The following EXOC2 variants were observed in gnomAD, a reference collection of about 807,000 sequenced individuals.
EXOC2 encodes the protein exocyst complex component 2.
Under a neutral mutation model 131.8 loss-of-function variants are expected in EXOC2, and 70 were observed. The ratio of observed to expected loss-of-function variants is 0.53; its 90% confidence interval spans 0.44 to 0.65. The LOEUF (loss-of-function observed/expected upper bound fraction) is 0.65. Ranked by LOEUF, EXOC2 falls within the 30% of genes least tolerant of loss-of-function variation. The pLI, the probability that EXOC2 is intolerant of heterozygous loss-of-function variation, is 0.00. For synonymous variants in EXOC2, 411 were observed against 398.4 expected, an observed-to-expected ratio of 1.03 and a Z score of -0.38; for missense variants, 923 against 1,108.6, an observed-to-expected ratio of 0.83 and a Z score of 2.38.
At chr6:637,963 C>T in intron 1 of EXOC2, 102 bp from the exon 2 acceptor site, 2 of 765,548 alleles carry the variant, frequency 2.6e-6, no homozygotes, top group Non-Finnish European at 4.2e-6. Flanking sequence ...AAAAAGTATT[C>T]TTAAACACAG....
intron 12 of EXOC2, among the ~76,000 whole-genome samples, chr6:576,054 CTTG>C (rs1758560117): frequency 6.6e-6 from 1 of 152,108 alleles, no homozygotes; most frequent in African/African-American, 2.4e-5. Context: ...TACTGCAATG[CTTG>C]TTAAGAATAA....
At chr6:633,185 T>G in intron 2 of EXOC2, 68 bp from the exon 3 acceptor site, 3 of 1,517,496 alleles carry the variant, frequency 2.0e-6, no homozygotes, top group Non-Finnish European at 1.8e-6. Flanking sequence ...TCGTGTAGAT[T>G]ACATTTTTTA....
At chr6:615,851 G>A (rs1364248224) in intron 6 of EXOC2, among the ~76,000 whole-genome samples, 2 of 152,064 alleles carry the variant, frequency 1.3e-5, no homozygotes, top group African/African-American at 4.8e-5. Context: ...TCTTGATTTG[G>A]ACATATCACC....
chr6:604,072 C>T (rs1252388592), intron 7 of EXOC2, among the ~76,000 whole-genome samples: 1 of 152,180 alleles, frequency 6.6e-6, no homozygotes, highest in African/African-American at 2.4e-5. Flanking sequence ...TTGGAGGCAA[C>T]TGAGACACAG....
chr6:602,837 G>C (rs1760177130), intron 7 of EXOC2, among the ~76,000 whole-genome samples: 1 of 152,178 alleles, frequency 6.6e-6, no homozygotes, highest in Admixed American at 6.5e-5. Flanking sequence ...TTTCCCTACA[G>C]TGCAAGATGG....
chr6:507,118 AC>A (rs1764585809), intron 23 of EXOC2, among the ~76,000 whole-genome samples: 1 of 44,944 alleles, frequency 2.2e-5, no homozygotes, highest in African/African-American at 4.3e-5. Flanking sequence ...AGCAGTGACT[AC>A]ACACATACAC....
intron 1 of EXOC2, among the ~76,000 whole-genome samples, chr6:672,381 G>A (rs1455907316): frequency 6.6e-6 from 1 of 152,128 alleles, no homozygotes; most frequent in African/African-American, 2.4e-5. Context: ...GTTTTAAATT[G>A]CTGGTTTGAT....
chr6:673,031 G>C (rs759804292), intron 1 of EXOC2, among the ~76,000 whole-genome samples: 48 of 151,824 alleles, frequency 3.2e-4, no homozygotes, highest in African/African-American at 1.1e-3. Flanking sequence ...AGGCCAAGGC[G>C]GGCAGATCAC....
chr6:547,309 T>G (rs2127562704), intron 22 of EXOC2, among the ~76,000 whole-genome samples: 1 of 152,346 alleles, frequency 6.6e-6, no homozygotes, highest in South Asian at 2.1e-4. Context: ...CTGGCGTAAG[T>G]ACCAGTAAGA....
At chr6:516,943 G>A (rs1001979467) in intron 23 of EXOC2, among the ~76,000 whole-genome samples, 7 of 152,144 alleles carry the variant, frequency 4.6e-5, no homozygotes, top group Admixed American at 6.5e-5. Context: ...TAGAGGGAAC[G>A]CAGGCAGCCT....
At chr6:523,955 G>C (rs1485850123) in intron 23 of EXOC2, among the ~76,000 whole-genome samples, 1 of 152,180 alleles carries the variant, frequency 6.6e-6, no homozygotes, top group African/African-American at 2.4e-5. Context: ...TGAAGGTGTG[G>C]GTGGGGTGCA....
intron 25 of EXOC2, among the ~76,000 whole-genome samples, chr6:495,043 T>C (rs1763631840): frequency 7.8e-6 from 1 of 128,610 alleles, no homozygotes; most frequent in Admixed American, 8.9e-5. Flanking sequence ...CACACTTGGA[T>C]AATTAAAACA....
intron 7 of EXOC2, among the ~76,000 whole-genome samples, chr6:606,627 A>G (rs779862406): frequency 6.6e-6 from 1 of 152,146 alleles, no homozygotes; most frequent in Non-Finnish European, 1.5e-5. Context: ...TCAACTTCTG[A>G]TATTTTTTCC....
Position 619,551 on chromosome 6 carries a change from G to GA in EXOC2, c.423-9dup, listed in dbSNP as rs755759929. 1.9e-6 allele frequency: 3 copies of GA among 1,588,672 alleles called. No individual in the cohort carries two copies. Among genetic ancestry groups the GA allele is most frequent in the African/African-American group, 2.7e-5 (2 of 74,134 alleles). On this transcript the variant is annotated splice_polypyrimidine_tract_variant and intron_variant, in intron 4 of 27. Coordinates refer to ENST00000230449, the MANE Select transcript of EXOC2 (RefSeq NM_018303.6). ...TTCTGCGAAAATTTACTTCTGAGGG[G>GA]AAAAAACGTTTAAAATATATTTCAA...
chr6:613,466 A>G (rs1760819693), intron 6 of EXOC2, among the ~76,000 whole-genome samples: 1 of 149,486 alleles, frequency 6.7e-6, no homozygotes, highest in South Asian at 2.2e-4. Flanking sequence ...AAAGAAAAAA[A>G]CAACAAAAAA....
At chr6:656,637 T>C in intron 1 of EXOC2, 2 of 1,606,790 alleles carry the variant, frequency 1.2e-6, no homozygotes, top group South Asian at 1.1e-5. Flanking sequence ...GTGGGTCAGC[T>C]GCAGCTTCAG....
In EXOC2 at chr6:670,601, CT is replaced by C. The variant is rs1267783146; in HGVS notation, c.-44+22417del. ...TAAATCCACAGAATGCTTCAGTGAC[CT>C]TTCATTTCCAGTCTGAAAATCTGTA... On this transcript the variant is annotated intron_variant, in intron 1 of 27. Transcript: ENST00000230449. 6.6e-5 allele frequency among the ~76,000 whole-genome samples: 10 copies of C among 152,004 alleles called. No individual in the cohort carries two copies. In the East Asian group the frequency reaches 1.7e-3, roughly 26 times the overall value.
chr6:587,420 A>G (rs957617038), intron 11 of EXOC2, among the ~76,000 whole-genome samples: 1 of 151,966 alleles, frequency 6.6e-6, no homozygotes, highest in East Asian at 1.9e-4. Context: ...AATTTTTTGT[A>G]TTTTTAGTAG....
chr6:656,630 G>A (rs777078981), intron 1 of EXOC2: 2 of 1,605,532 alleles, frequency 1.2e-6, no homozygotes, highest in East Asian at 4.5e-5. Context: ...GGCGCTTGTG[G>A]GTCAGCTGCA....
Sources: allele counts gnomAD v4.1 joint callset (sites outside exome capture counted in the v4.1 genomes callset), GRCh38; gene constraint gnomAD v4.1.1; transcripts MANE v1.5; gene names NCBI Gene and HGNC (gene_info 2026-07-23, HGNC 2026-07-21).